Variants in SMAD3 observed in about 807,000 individuals in gnomAD.
The protein encoded by SMAD3 is MAD homolog 3.
A neutral mutation model predicts 51.8 loss-of-function variants in SMAD3; 12 were observed. The observed-to-expected ratio is 0.23, with a 90% confidence interval of 0.15 to 0.38. The LOEUF is 0.38. Among genes scored for constraint, SMAD3 ranks in the 10% least tolerant of loss-of-function variants. The probability of loss-of-function intolerance (pLI) is 1.00; values close to 1 mark genes in which losing one functional copy is unlikely to be tolerated. For synonymous variants in SMAD3, 238 were observed against 227.7 expected (o/e 1.05, Z -0.41); for missense variants, 294 against 565.6 (o/e 0.52, Z 4.87).
intron 1 of SMAD3, among the ~76,000 whole-genome samples, chr15:67,149,645 A>G (rs1387654354): frequency 1.3e-5 from 2 of 150,504 alleles, no homozygotes; most frequent in Non-Finnish European, 3.0e-5. Flanking sequence ...GCCCCAATGA[A>G]CCAGAACCTT....
chr15:67,181,801 T>G (rs1162626503), intron 6 of SMAD3, among the ~76,000 whole-genome samples: 2 of 151,924 alleles, frequency 1.3e-5, no homozygotes, highest in Admixed American at 6.5e-5. Context: ...TTTTTTTTTT[T>G]TTTTGGAGAC....
At position 67,107,992 on chromosome 15, in the gene SMAD3, C is replaced by T. The variant is rs560068530; in HGVS notation, c.206+41632C>T. 1.5e-3 allele frequency among the ~76,000 whole-genome samples: 223 copies of T among 149,934 alleles called. 2 individuals carry two copies. Among genetic ancestry groups the T allele is most frequent in the African/African-American group, 5.2e-3 (211 of 40,706 alleles). On this transcript the variant is annotated intron_variant, in intron 1 of 8. Transcript: ENST00000327367. ...CCCCCCACCCCCCCACCACCTCCCG[C>T]GCTGTGCCCAGGGTGATCTTTCTAA...
chr15:67,085,561 T>TG (rs1422017968), intron 1 of SMAD3, among the ~76,000 whole-genome samples: 3 of 152,080 alleles, frequency 2.0e-5, no homozygotes, highest in Non-Finnish European at 4.4e-5. Flanking sequence ...GGGTTCAGGG[T>TG]GGGCTGTGAG....
chr15:67,183,866 G>GAAGAAAAAAATAAGGGCATAGCGTT (rs1364151374), intron 6 of SMAD3, among the ~76,000 whole-genome samples: 1 of 152,066 alleles, frequency 6.6e-6, no homozygotes, highest in Admixed American at 6.5e-5. Flanking sequence ...TGCATTGAGG[G>GAAGAAAAAAATAAGGGCATAGCGTT]AAGAAAAAAA....
At chr15:67,166,290 G>A (rs541626562) in intron 3 of SMAD3, 95 of 498,112 alleles carry the variant, frequency 1.9e-4, no homozygotes, top group Non-Finnish European at 2.3e-4. Context: ...TGTCTTTGCC[G>A]TCATTGAACT....
intron 5 of SMAD3, among the ~76,000 whole-genome samples, chr15:67,176,742 C>T (rs182832865): frequency 2.0e-5 from 3 of 152,340 alleles, no homozygotes; most frequent in East Asian, 1.9e-4. Context: ...ATTAAGTGCC[C>T]TATGGCACTT....
intron 8 of SMAD3, among the ~76,000 whole-genome samples, chr15:67,189,918 C>T (rs1033583547): frequency 1.3e-5 from 2 of 151,928 alleles, no homozygotes; most frequent in Admixed American, 6.6e-5. Context: ...CGAAGGCATG[C>T]GGACACTGTT....
rs542894691 is a variant in SMAD3 at position 67,168,788 on chromosome 15, C to A, written c.608-1766C>A. 2.0e-5 allele frequency among the ~76,000 whole-genome samples: 3 copies of A among 152,240 alleles called. No individual in the cohort carries two copies. In the East Asian group the frequency reaches 5.8e-4, roughly 29 times the overall value. On this transcript the variant is annotated intron_variant, in intron 4 of 8. Coordinates refer to ENST00000327367, the MANE Select transcript of SMAD3 (RefSeq NM_005902.4). ...AGTAGAGACAGACCAGACTTGCGGA[C>A]CCCAGCCAGTGTGTGGGTGGGGGCT...
At position 67,066,100 on chromosome 15, in the gene SMAD3, G is replaced by A. The variant is rs1959906993; in HGVS notation, c.-55G>A. 10 of 1,437,522 alleles carry A rather than the reference G, an allele frequency of 7.0e-6. No homozygotes were observed. Among genetic ancestry groups the A allele is most frequent in the Non-Finnish European group, 9.5e-6 (10 of 1,050,654 alleles). The allele number at this position is 1,437,522 out of a possible 1,614,324, so 89.0% of individuals were successfully genotyped here. On this transcript the variant is annotated 5_prime_UTR_variant, in exon 1 of 9. Coordinates refer to ENST00000327367, the MANE Select transcript of SMAD3 (RefSeq NM_005902.4). ...CTCCCCTCTGCGCCCCCGGCGTCCC[G>A]TCGAGCCCAGCCCCGCCGGGGGCGC...
At chr15:67,166,091 C>A in intron 3 of SMAD3, 2 of 785,498 alleles carry the variant, frequency 2.5e-6, no homozygotes, top group Non-Finnish European at 3.1e-6. Context: ...GTTTACTGGG[C>A]TGAGATTGGC....
intron 1 of SMAD3, among the ~76,000 whole-genome samples, chr15:67,139,767 A>G (rs1449727027): frequency 6.6e-6 from 1 of 152,214 alleles, no homozygotes; most frequent in Admixed American, 6.5e-5. Flanking sequence ...CAGTCAGATT[A>G]GCATATCTGC....
chr15:67,116,083 A>G (rs746708006), intron 1 of SMAD3, among the ~76,000 whole-genome samples: 2 of 152,238 alleles, frequency 1.3e-5, no homozygotes, highest in Non-Finnish European at 2.9e-5. Context: ...ACATCTCTCT[A>G]ACATCTCCTG....
chr15:67,095,452 G>A (rs1960595213), intron 1 of SMAD3, among the ~76,000 whole-genome samples: 1 of 152,180 alleles, frequency 6.6e-6, no homozygotes, highest in Non-Finnish European at 1.5e-5. Flanking sequence ...TGTCATCAAG[G>A]CCATCTTCAT....
At chr15:67,150,480 A>AAAAGAAAG (rs145428247) in intron 1 of SMAD3, among the ~76,000 whole-genome samples, 2 of 151,742 alleles carry the variant, frequency 1.3e-5, no homozygotes, top group Non-Finnish European at 2.9e-5. Flanking sequence ...TCCAGGAAAA[A>AAAAGAAAG]AAAGAAAGAA....
At chr15:67,108,360 A>G (rs1960928236) in intron 1 of SMAD3, among the ~76,000 whole-genome samples, 1 of 152,140 alleles carries the variant, frequency 6.6e-6, no homozygotes, top group Non-Finnish European at 1.5e-5. Flanking sequence ...TGATGATACT[A>G]GAAGCCTGCT....
At chr15:67,113,819 G>A (rs1049258907) in intron 1 of SMAD3, among the ~76,000 whole-genome samples, 3 of 152,186 alleles carry the variant, frequency 2.0e-5, no homozygotes, top group Non-Finnish European at 4.4e-5. Context: ...CCCTTTAGAC[G>A]AATAGCTCTT....
chr15:67,122,460 G>A (rs1287376436), intron 1 of SMAD3, among the ~76,000 whole-genome samples: 1 of 152,152 alleles, frequency 6.6e-6, no homozygotes, highest in African/African-American at 2.4e-5. Context: ...TCCTATCGGG[G>A]GATTTATGGA....
Position 67,165,101 on chromosome 15 carries a change from G to A in SMAD3, c.400+13G>A. 6.2e-7 allele frequency: 1 copy of A among 1,613,982 alleles called. No individual in the cohort carries two copies. The highest frequency in any genetic ancestry group is 8.5e-7 in the Non-Finnish European group (1 of 1,179,884). ...GTAGAGACACCAGGTATGCTGCCTGGCCTGCCTGTGGGGACAGCAGGTGCC... is the reference window on the plus strand; with the variant it reads ...GTAGAGACACCAGGTATGCTGCCTGACCTGCCTGTGGGGACAGCAGGTGCC... On this transcript the variant is annotated intron_variant, in intron 2 of 8. Coordinates refer to ENST00000327367, the MANE Select transcript of SMAD3 (RefSeq NM_005902.4).
At chr15:67,150,830 C>A (rs1260499932) in intron 1 of SMAD3, among the ~76,000 whole-genome samples, 13 of 47,560 alleles carry the variant, frequency 2.7e-4, no homozygotes, top group South Asian at 6.3e-4. Context: ...ATTAAGAGAG[C>A]AAAGCTATTT....
Sources: gnomAD v4.1 joint callset for allele counts (sites outside exome capture counted in the v4.1 genomes callset) on GRCh38, gnomAD v4.1.1 for gene constraint, MANE v1.5 for transcripts, NCBI Gene and HGNC (gene_info 2026-07-23, HGNC 2026-07-21) for gene names.